NEB: variants seen among roughly 807,000 people sequenced by gnomAD.
NEB encodes the protein nemaline myopathy type 2.
A neutral mutation model predicts 952.2 loss-of-function variants in NEB; 512 were observed. The observed-to-expected ratio is 0.54, with a 90% CI of 0.50 to 0.58. The LOEUF is 0.58. NEB is among the 20% of genes least tolerant of loss of function. NEB has a pLI of 0.00. For missense variants in NEB, 8,428 were observed against 9,231.1 expected (o/e 0.91, Z 3.56); for synonymous variants, 2,900 against 3,149.8 (o/e 0.92, Z 2.66).
rs549447969 is a variant in NEB, at chr2:151,512,415, G to A, written c.23346+318C>T. ...GTCACAGCTGACTGCAGCCTCAACC[G>A]CCTGGGCTCAATTGATCTTCCCACC... On this transcript the variant is annotated intron_variant, in intron 161 of 181. Coordinates refer to ENST00000397345, the MANE Select transcript of NEB (RefSeq NM_001164508.2). 1.6e-3 allele frequency among the ~76,000 whole-genome samples: 241 copies of A among 151,770 alleles called. 1 individual carries two copies. The highest frequency in any genetic ancestry group is 5.3e-3 in the African/African-American group (220 of 41,332).
At position 151,674,690 on chromosome 2, in the gene NEB, C is replaced by T. The variant is rs533939803; in HGVS notation, c.3880-106G>A. Reference sequence around the variant, plus strand: ...GAAGTTGAAGGAATCCCTCATAGCACATACTGCTTTAGGAAATCACATTGG... The same window carrying T: ...GAAGTTGAAGGAATCCCTCATAGCATATACTGCTTTAGGAAATCACATTGG... On this transcript the variant is annotated intron_variant, in intron 35 of 181. Coordinates refer to ENST00000397345, the MANE Select transcript of NEB (RefSeq NM_001164508.2). 75 of 795,780 alleles carry T rather than the reference C, an allele frequency of 9.4e-5. No individual in the cohort carries two copies. The African/African-American group carries it at 1.1e-3, about 11-fold the overall frequency. The allele number at this position is 795,780 out of a possible 1,614,324, so 49.3% of individuals were successfully genotyped here.
At chr2:151,671,954 A>C (rs919788244) in intron 37 of NEB, among the ~76,000 whole-genome samples, 5 of 151,464 alleles carry the variant, frequency 3.3e-5, no homozygotes, top group African/African-American at 1.2e-4. Context: ...AGAGATTTAC[A>C]TGGATGACAT....
chr2:151,493,243 T>C, intron 176 of NEB, 110 bp downstream of exon 176: 1 of 876,768 alleles, frequency 1.1e-6, no homozygotes, highest in Non-Finnish European at 1.8e-6. Flanking sequence ...CATTTTTCTC[T>C]TTTAAAATTT....
At position 151,614,280 on chromosome 2, in the gene NEB, C is replaced by T. The variant is rs1560444314; in HGVS notation, c.11597G>A (p.Ser3866Asn). The change falls in exon 77 of 182, where the codon AGT becomes AAT. Residue 3866 changes from serine (S) to asparagine (N), a missense_variant. Around this residue, in one of 11 missense-constraint regions of NEB, gnomAD observed 1,772 missense variants for 1,960.3 expected, o/e 0.90. Coordinates refer to ENST00000397345, the MANE Select transcript of NEB (RefSeq NM_001164508.2). ...IQARKAYDLQ[S>N]DAIYKSDLEW... ...AAGAATATTAGAGCCACTCACATCA[C>T]TCTGCAGGTCATAGGCCTTCCGAGC... 1.2e-6 allele frequency: 2 copies of T among 1,613,092 alleles called. No individual in the cohort carries two copies. Among genetic ancestry groups the T allele is most frequent in the South Asian group, 1.1e-5 (1 of 91,066 alleles).
Position 151,623,020 on chromosome 2 carries a change from T to C in NEB, c.10453-1994A>G, listed in dbSNP as rs1190947928. On this transcript the variant is annotated intron_variant, in intron 71 of 181. Coordinates refer to ENST00000397345, the MANE Select transcript of NEB (RefSeq NM_001164508.2). ...TTCTTGGGCAGATAATTTAGAAGAG[T>C]GTATGTATGGAAGTTGAAGCTATGT... Among the ~76,000 whole-genome samples the C allele has an allele frequency of 2.0e-5, 3 of 151,994 alleles. No individual in the cohort carries two copies. In the South Asian group the frequency reaches 6.2e-4, roughly 32 times the overall value.
intron 133 of NEB, among the ~76,000 whole-genome samples, chr2:151,546,876 C>T (rs1348380745): frequency 6.6e-6 from 1 of 152,078 alleles, no homozygotes; most frequent in Non-Finnish European, 1.5e-5. Context: ...CTACCTTGTA[C>T]TCTTAGTTTA....
intron 13 of NEB, among the ~76,000 whole-genome samples, chr2:151,697,997 C>T (rs1261137084): frequency 3.9e-5 from 6 of 152,108 alleles, no homozygotes; most frequent in African/African-American, 9.7e-5. Flanking sequence ...ACCCGGGAGG[C>T]GGAGGTTGCA....
intron 113 of NEB, among the ~76,000 whole-genome samples, 173 bp downstream of exon 113, chr2:151,567,898 C>T (rs2096475556): frequency 6.6e-6 from 1 of 152,038 alleles, no homozygotes; most frequent in Non-Finnish European, 1.5e-5. Context: ...GCTCAAAGCC[C>T]ATGGAAGAAA....
At chr2:151,732,422 T>A (rs964506240) in intron 3 of NEB, among the ~76,000 whole-genome samples, 1 of 152,178 alleles carries the variant, frequency 6.6e-6, no homozygotes. Context: ...TGTCCACTAA[T>A]AATTGGAAGG....
At chr2:151,681,398 G>T (rs1377899204) in intron 29 of NEB, among the ~76,000 whole-genome samples, 1 of 152,208 alleles carries the variant, frequency 6.6e-6, no homozygotes, top group Non-Finnish European at 1.5e-5. Flanking sequence ...CTGCAGAGGA[G>T]ACCCTGGGTA....
chr2:151,716,955 C>T (rs768282550), intron 10 of NEB, among the ~76,000 whole-genome samples: 3 of 152,174 alleles, frequency 2.0e-5, no homozygotes, highest in Non-Finnish European at 4.4e-5. Flanking sequence ...TTTGTTAGGG[C>T]CTTAAAAGTT....
chr2:151,578,677 GGGAA>G (rs371963286), intron 105 of NEB, among the ~76,000 whole-genome samples: 162 of 147,900 alleles, frequency 1.1e-3, no homozygotes, highest in Middle Eastern at 3.6e-3. Flanking sequence ...GAGGGAAGGA[GGGAA>G]GGAAGGAAGG....
At position 151,650,776 on chromosome 2, in the gene NEB, C is replaced by A. The variant is rs372132667; in HGVS notation, c.7025G>T (p.Ser2342Ile). The change falls in exon 53 of 182, where the codon AGT becomes ATT. Residue 2342 changes from serine to isoleucine, a missense_variant. Around this residue, in one of 11 missense-constraint regions of NEB, gnomAD observed 1,772 missense variants for 1,960.3 expected, o/e 0.90. Transcript: ENST00000397345. ...AAAGTCCTTCTTGTATTCTCTTTCA[C>A]TCTGCATTTTGGCTACATTCATGGA... is the stretch of plus-strand genomic sequence containing the variant. ...VLSMNVAKMQ[S>I]EREYKKDFEK... 41 of 1,613,830 alleles carry A rather than the reference C, an allele frequency of 2.5e-5. No homozygotes were observed. Among genetic ancestry groups the A allele is most frequent in the Non-Finnish European group, 3.3e-5 (39 of 1,179,876 alleles).
At chr2:151,507,910 C>T in intron 162 of NEB, 95 bp downstream of exon 162, 1 of 837,722 alleles carries the variant, frequency 1.2e-6, no homozygotes, top group Non-Finnish European at 2.0e-6. Context: ...GAGGGCTGCA[C>T]AACAGCCCCA....
rs147872436 is a variant in NEB at position 151,491,692 on chromosome 2, T to C, written c.25141A>G (p.Met8381Val). ...EDNIQSRSLH[M>V]INVQAQRRSR... Reference sequence around the variant, plus strand: ...TTTTCAGCTAACACACCATTAATCATGTGTAAGCTTCGGGACTGGATGTTG... The same window carrying C: ...TTTTCAGCTAACACACCATTAATCACGTGTAAGCTTCGGGACTGGATGTTG... Residue 8381 changes from methionine (M) to valine (V), a missense_variant, in exon 179 of 182, where the codon ATG becomes GTG. By Grantham distance (21) the Met-to-Val change is conservative (BLOSUM62 1). This residue lies in a region of NEB where 3,374 missense variants were observed against 3,651.5 expected (regional missense o/e 0.92). Coordinates refer to ENST00000397345, the MANE Select transcript of NEB (RefSeq NM_001164508.2). 2 of 1,590,714 alleles carry C rather than the reference T, an allele frequency of 1.3e-6. No homozygotes were observed. The highest frequency in any genetic ancestry group is 2.3e-5 in the East Asian group (1 of 44,044).
rs755185189 is a variant in NEB, at chr2:151,694,388, C to T, written c.1831G>A (p.Val611Ile). The change falls in exon 20 of 182, where the codon GTC becomes ATC. Residue 611 changes from valine (V) to isoleucine (I), a missense_variant. Val to Ile is a conservative substitution (Grantham distance 29, BLOSUM62 3). Transcript: ENST00000397345. Reference sequence around the variant, plus strand: ...TTGGGATCGTCATTAATGCTGAGGACTCCAATCATTTTCCCTTTGTTTTTT... The same window carrying T: ...TTGGGATCGTCATTAATGCTGAGGATTCCAATCATTTTCCCTTTGTTTTTT... ...YEKNKGKMIG[V>I]LSINDDPKML... The T allele has an allele frequency of 6.2e-7, 1 of 1,613,882 alleles. No homozygotes were observed. Among genetic ancestry groups the T allele is most frequent in the African/African-American group, 1.3e-5 (1 of 74,934 alleles).
chr2:151,524,004 CTT>C (rs756142785), intron 153 of NEB, among the ~76,000 whole-genome samples: 143 of 152,264 alleles, frequency 9.4e-4, no homozygotes, highest in Non-Finnish European at 1.8e-3. Context: ...GGATGAAACT[CTT>C]AAGGCCTGGG....
At chr2:151,646,068 C>T in intron 55 of NEB, 62 bp downstream of exon 55, 3 of 1,241,344 alleles carry the variant, frequency 2.4e-6, no homozygotes, top group Non-Finnish European at 2.3e-6. Flanking sequence ...TAGACAATTT[C>T]ACTGATTTAG....
In NEB at chr2:151,633,974, A is replaced by G. The variant is rs2098712916; in HGVS notation, c.9103-9T>C. 1.2e-6 allele frequency: 2 copies of G among 1,608,416 alleles called. No individual in the cohort carries two copies. Among genetic ancestry groups the G allele is most frequent in the Non-Finnish European group, 1.7e-6 (2 of 1,175,972 alleles). Reference sequence around the variant, plus strand: ...CCATCTTTATATTTGTACTAAAATGAAAATGCACAAATCAGGTTTTTATTG... The same window carrying G: ...CCATCTTTATATTTGTACTAAAATGGAAATGCACAAATCAGGTTTTTATTG... On this transcript the variant is annotated splice_polypyrimidine_tract_variant and intron_variant, in intron 64 of 181. Coordinates refer to ENST00000397345, the MANE Select transcript of NEB (RefSeq NM_001164508.2).
Sources: allele counts gnomAD v4.1 joint callset (sites outside exome capture counted in the v4.1 genomes callset), GRCh38; gene constraint gnomAD v4.1.1; regional missense constraint gnomAD v4.1.1; transcripts MANE v1.5; gene names NCBI Gene and HGNC (gene_info 2026-07-23, HGNC 2026-07-21).